MYO5B: variants seen among roughly 807,000 people sequenced by gnomAD.
The protein encoded by MYO5B is unconventional myosin-Vb.
In MYO5B, 143 loss-of-function variants were observed where a neutral mutation model predicts 229.3. The ratio of observed to expected loss-of-function variants is 0.62; its 90% CI spans 0.54 to 0.72. The LOEUF is 0.72. Ranked by LOEUF, MYO5B falls within the 30% of genes least tolerant of loss-of-function variation. The probability of loss-of-function intolerance (pLI) is 0.00; values close to 1 mark genes in which losing one functional copy is unlikely to be tolerated. For synonymous variants in MYO5B, 918 were observed against 885.2 expected (o/e 1.04, Z -0.66); for missense variants, 2,321 against 2,331.0 (o/e 1.00, Z 0.09).
chr18:50,075,477 A>G (rs2031057501), intron 1 of MYO5B, among the ~76,000 whole-genome samples: 1 of 152,218 alleles, frequency 6.6e-6, no homozygotes, highest in African/African-American at 2.4e-5. Flanking sequence ...TCTAATCCTT[A>G]TAACTCTTCT....
chr18:49,843,265 G>A lies in MYO5B; in HGVS notation c.4587C>T (p.Ile1529=), dbSNP rs2024082617. 2 of 1,614,052 alleles carry A rather than the reference G, an allele frequency of 1.2e-6. No homozygotes were observed. Among genetic ancestry groups the A allele is most frequent in the Admixed American group, 1.7e-5 (1 of 60,010 alleles). The change falls in exon 34 of 40, where the codon ATC becomes ATT. Residue 1529 remains isoleucine, a synonymous_variant. Coordinates refer to ENST00000285039, the MANE Select transcript of MYO5B (RefSeq NM_001080467.3). Reference sequence around the variant, plus strand: ...CTTTCAGGACTTTCTTAATGCCGTTGATGGTGGAGGTCAGCAGGGAGTGCA... The same window carrying A: ...CTTTCAGGACTTTCTTAATGCCGTTAATGGTGGAGGTCAGCAGGGAGTGCA... ...LKVHSLLTST[I]NGIKKVLKKH...
intron 1 of MYO5B, among the ~76,000 whole-genome samples, chr18:50,077,194 GAC>G (rs2031103399): frequency 1.1e-5 from 1 of 87,884 alleles, no homozygotes; most frequent in Non-Finnish European, 2.4e-5. Context: ...AAAAAAAAAA[GAC>G]AACTTACATC....
At chr18:49,856,775 G>C in intron 30 of MYO5B, 38 bp downstream of exon 30, 1 of 1,560,802 alleles carries the variant, frequency 6.4e-7, no homozygotes, top group Non-Finnish European at 8.8e-7. Flanking sequence ...CAGGCCCAAC[G>C]GACAAAGCAG....
At chr18:49,865,926 C>T (rs2024390145) in intron 27 of MYO5B, among the ~76,000 whole-genome samples, 1 of 152,174 alleles carries the variant, frequency 6.6e-6, no homozygotes, top group Non-Finnish European at 1.5e-5. Context: ...ACTGGTCCCC[C>T]ACACATAACC....
intron 21 of MYO5B, among the ~76,000 whole-genome samples, chr18:49,899,932 T>TTA (rs1555641426): frequency 1.3e-5 from 2 of 150,402 alleles, no homozygotes; most frequent in Non-Finnish European, 2.9e-5. Flanking sequence ...TTTTTATTTT[T>TTA]TTTTTAAATA....
intron 14 of MYO5B, among the ~76,000 whole-genome samples, chr18:49,946,990 T>A (rs2025381023): frequency 6.6e-6 from 1 of 152,048 alleles, no homozygotes; most frequent in Non-Finnish European, 1.5e-5. Flanking sequence ...AAATTATGGT[T>A]CCATCCACAC....
At chr18:49,830,211 A>T (rs1183724492) in intron 39 of MYO5B, among the ~76,000 whole-genome samples, 3 of 151,116 alleles carry the variant, frequency 2.0e-5, no homozygotes, top group Non-Finnish European at 4.4e-5. Flanking sequence ...AGTACATAAT[A>T]AAAAAAAACA....
At chr18:50,184,177 A>C (rs1404101148) in intron 1 of MYO5B, among the ~76,000 whole-genome samples, 1 of 152,224 alleles carries the variant, frequency 6.6e-6, no homozygotes, top group Non-Finnish European at 1.5e-5. Context: ...GGCCTAAGGA[A>C]AACCAAAAGC....
intron 1 of MYO5B, among the ~76,000 whole-genome samples, chr18:50,166,342 A>C (rs2032851687): frequency 6.6e-6 from 1 of 152,176 alleles, no homozygotes; most frequent in Non-Finnish European, 1.5e-5. Flanking sequence ...CAGCAGCCCA[A>C]ATTATTTTTG....
intron 38 of MYO5B, among the ~76,000 whole-genome samples, chr18:49,836,264 T>C (rs2023986052): frequency 6.6e-6 from 1 of 152,080 alleles, no homozygotes. Flanking sequence ...TATAAATGAG[T>C]GTGAGTGAAA....
chr18:49,907,786 C>T (rs1300776290), intron 18 of MYO5B, among the ~76,000 whole-genome samples: 1 of 152,278 alleles, frequency 6.6e-6, no homozygotes, highest in Non-Finnish European at 1.5e-5. Context: ...GCTTGAGTGT[C>T]ACTGACTGAG....
intron 1 of MYO5B, among the ~76,000 whole-genome samples, chr18:50,108,624 C>T (rs60419005): frequency 0.14 from 20,792 of 152,124 alleles, 1,497 homozygotes; most frequent in East Asian, 0.23. Context: ...GAACAGGAAA[C>T]TATGCAGATG....
intron 14 of MYO5B, among the ~76,000 whole-genome samples, chr18:49,938,950 C>G (rs534182999): frequency 1.5e-3 from 206 of 138,680 alleles, no homozygotes; most frequent in Non-Finnish European, 2.4e-3. Flanking sequence ...ACCCTCACCC[C>G]CTCAAGGTCT....
At chr18:49,848,789 C>T (rs2024163136) in intron 32 of MYO5B, among the ~76,000 whole-genome samples, 1 of 152,054 alleles carries the variant, frequency 6.6e-6, no homozygotes, top group South Asian at 2.1e-4. Flanking sequence ...TTGGTGGGCA[C>T]ATGGGCAGAT....
At chr18:50,150,664 C>T (rs567649440) in intron 1 of MYO5B, among the ~76,000 whole-genome samples, 9 of 152,086 alleles carry the variant, frequency 5.9e-5, no homozygotes, top group Non-Finnish European at 1.0e-4. Flanking sequence ...GGGGGAACAT[C>T]ACACTCTGGG....
chr18:50,091,841 T>C (rs1253077104), intron 1 of MYO5B, among the ~76,000 whole-genome samples: 1 of 152,210 alleles, frequency 6.6e-6, no homozygotes, highest in Non-Finnish European at 1.5e-5. Flanking sequence ...AATGCTAATA[T>C]ACTAAAAGGG....
intron 17 of MYO5B, among the ~76,000 whole-genome samples, chr18:49,922,510 C>T (rs79837842): frequency 0.014 from 2,092 of 152,158 alleles, 41 homozygotes; most frequent in African/African-American, 0.048. Context: ...GAGGATGATT[C>T]GACTGCAGCT....
intron 1 of MYO5B, among the ~76,000 whole-genome samples, chr18:50,131,278 C>T (rs2032249943): frequency 6.6e-6 from 1 of 152,224 alleles, no homozygotes; most frequent in African/African-American, 2.4e-5. Flanking sequence ...AACCCACCAA[C>T]TCACTGGCCT....
At chr18:49,919,653 GA>G (rs753056908) in intron 17 of MYO5B, among the ~76,000 whole-genome samples, 6 of 152,156 alleles carry the variant, frequency 3.9e-5, no homozygotes, top group Non-Finnish European at 5.9e-5. Flanking sequence ...TAGCTATAAT[GA>G]AAAGGACAGA....
Sources: allele counts gnomAD v4.1 joint callset (sites outside exome capture counted in the v4.1 genomes callset), GRCh38; gene constraint gnomAD v4.1.1; transcripts MANE v1.5; gene names NCBI Gene and HGNC (gene_info 2026-07-23, HGNC 2026-07-21).